Variants in ANKRD30A observed in about 807,000 individuals in gnomAD.
ANKRD30A encodes the protein ankyrin repeat domain 30A, also known as ankyrin repeat domain-containing protein 30A.
Under a neutral mutation model 166.3 loss-of-function variants are expected in ANKRD30A, and 170 were observed. The ratio of observed to expected loss-of-function variants is 1.02; its 90% confidence interval spans 0.90 to 1.16. The LOEUF (loss-of-function observed/expected upper bound fraction) is 1.16. ANKRD30A is among the 50% of genes most tolerant of loss of function. The probability of loss-of-function intolerance (pLI) is 0.00; values close to 1 mark genes in which losing one functional copy is unlikely to be tolerated. For synonymous variants in ANKRD30A, 564 were observed against 508.9 expected, an observed-to-expected ratio of 1.11 and a Z score of -1.46; for missense variants, 1,630 against 1,518.0, an observed-to-expected ratio of 1.07 and a Z score of -1.23.
intron 31 of ANKRD30A, among the ~76,000 whole-genome samples, chr10:37,211,808 T>A (rs1842338575): frequency 6.6e-6 from 1 of 152,122 alleles, no homozygotes; most frequent in South Asian, 2.1e-4. Context: ...GTTTCCTGAC[T>A]TTTTAATGAT....
chr10:37,256,175 A>G, the ANKRD30A span, among the ~76,000 whole-genome samples: 1 of 152,190 alleles, frequency 6.6e-6, no homozygotes, highest in Admixed American at 6.5e-5. Context: ...ACCTCTTCAA[A>G]AAGATTGTTC....
chr10:37,178,893 A>G (rs1371118643), intron 24 of ANKRD30A, among the ~76,000 whole-genome samples: 1 of 150,690 alleles, frequency 6.6e-6, no homozygotes, highest in Non-Finnish European at 1.5e-5. Flanking sequence ...GCATTTAGAA[A>G]AGTTTTACTG....
the ANKRD30A span, chr10:37,264,570 T>A: frequency 2.2e-6 from 1 of 460,820 alleles, no homozygotes; most frequent in Non-Finnish European, 3.6e-6. Flanking sequence ...CTGACCAGTC[T>A]GGTGTTCTTT....
intron 31 of ANKRD30A, among the ~76,000 whole-genome samples, chr10:37,211,290 C>G (rs190455373): frequency 6.6e-6 from 1 of 151,896 alleles, no homozygotes; most frequent in Non-Finnish European, 1.5e-5. Flanking sequence ...ATCCCTCCCC[C>G]ACCCCACAAC....
At chr10:37,156,380 TA>T (rs200451772) in intron 13 of ANKRD30A, among the ~76,000 whole-genome samples, 9 of 151,202 alleles carry the variant, frequency 6.0e-5, no homozygotes, top group South Asian at 2.1e-4. Context: ...ATAAAAGTAA[TA>T]AAAAAAAACT....
At chr10:37,152,664 C>T (rs564861665) in intron 12 of ANKRD30A, among the ~76,000 whole-genome samples, 4 of 152,150 alleles carry the variant, frequency 2.6e-5, no homozygotes, top group Non-Finnish European at 5.9e-5. Context: ...AGTATAATAA[C>T]AAGAGTATTG....
chr10:37,216,515 T>C (rs1842617460), intron 32 of ANKRD30A, 121 bp downstream of exon 32: 3 of 922,100 alleles, frequency 3.3e-6, no homozygotes, highest in Non-Finnish European at 4.7e-6. Context: ...GTCTGTCTTG[T>C]AGAGTGTCAA....
intron 29 of ANKRD30A, among the ~76,000 whole-genome samples, chr10:37,199,416 A>G (rs1841438807): frequency 6.6e-6 from 1 of 152,104 alleles, no homozygotes; most frequent in Non-Finnish European, 1.5e-5. Context: ...TTCTGAATGA[A>G]CAGGAAATAT....
chr10:37,260,868 A>G, the ANKRD30A span, among the ~76,000 whole-genome samples: 1 of 152,154 alleles, frequency 6.6e-6, no homozygotes, highest in Non-Finnish European at 1.5e-5. Flanking sequence ...GTACATATAG[A>G]TGGGAACAAT....
chr10:37,209,415 G>T (rs1842161970), intron 31 of ANKRD30A, among the ~76,000 whole-genome samples: 1 of 152,120 alleles, frequency 6.6e-6, no homozygotes, highest in African/African-American at 2.4e-5. Context: ...CATGGCCAGA[G>T]CAGGAGCAAG....
intron 34 of ANKRD30A, among the ~76,000 whole-genome samples, chr10:37,227,358 A>C (rs1277078582): frequency 1.3e-5 from 2 of 151,868 alleles, no homozygotes; most frequent in Non-Finnish European, 1.5e-5. Flanking sequence ...ATGGATATCC[A>C]TTTGTCCCAG....
intron 8 of ANKRD30A, among the ~76,000 whole-genome samples, chr10:37,145,652 G>T (rs1321715296): frequency 6.6e-6 from 1 of 152,212 alleles, no homozygotes; most frequent in Non-Finnish European, 1.5e-5. Flanking sequence ...GTTCTGAGGT[G>T]AAATTTGATC....
chr10:37,193,222 G>A lies in ANKRD30A; in HGVS notation c.2578G>A (p.Ala860Thr), dbSNP rs771766272. ...AATGAAAGTTTCTATTCCAACTAAA[G>A]CCTTAGAATTGATGGACATGCAAAC... is the stretch of plus-strand genomic sequence containing the variant. ...CRMKVSIPTK[A>T]LELMDMQTFK... Residue 860 changes from alanine to threonine, a missense_variant, in exon 27 of 36, where the codon GCC (alanine) becomes ACC (threonine). By Grantham distance (58) the Ala-to-Thr change is moderately conservative. Around this residue, in one of 4 missense-constraint regions of ANKRD30A, gnomAD observed 712 missense variants for 629.3 expected, o/e 1.13. Coordinates refer to ENST00000361713, the MANE Select transcript of ANKRD30A (RefSeq NM_052997.3). 9.9e-6 allele frequency: 16 copies of A among 1,611,564 alleles called. No homozygotes were observed. Among genetic ancestry groups the A allele is most frequent in the Non-Finnish European group, 1.3e-5 (15 of 1,179,316 alleles).
intron 6 of ANKRD30A, among the ~76,000 whole-genome samples, chr10:37,138,305 C>T (rs1445097830): frequency 6.6e-6 from 1 of 152,136 alleles, no homozygotes; most frequent in Non-Finnish European, 1.5e-5. Flanking sequence ...ACTGGAAACT[C>T]TAAAAATCAG....
the ANKRD30A span, among the ~76,000 whole-genome samples, chr10:37,265,874 A>T: frequency 9.2e-5 from 14 of 152,298 alleles, no homozygotes; most frequent in Non-Finnish European, 1.9e-4. Flanking sequence ...GAAGTAAACA[A>T]ACCCCCCTGG....
At chr10:37,256,837 A>G in the ANKRD30A span, among the ~76,000 whole-genome samples, 1 of 152,012 alleles carries the variant, frequency 6.6e-6, no homozygotes, top group Non-Finnish European at 1.5e-5. Context: ...TTCATAAGGG[A>G]TATTGGCCTG....
chr10:37,199,420 G>A (rs1350251970), intron 29 of ANKRD30A, among the ~76,000 whole-genome samples: 2 of 152,126 alleles, frequency 1.3e-5, no homozygotes, highest in East Asian at 3.9e-4. Context: ...GAATGAACAG[G>A]AAATATAGGA....
intron 6 of ANKRD30A, among the ~76,000 whole-genome samples, chr10:37,137,433 T>A (rs1427181430): frequency 6.6e-6 from 1 of 152,144 alleles, no homozygotes; most frequent in Non-Finnish European, 1.5e-5. Context: ...AGGCATTGCC[T>A]CACCTGGGAA....
chr10:37,142,998 G>A (rs1837258427), intron 7 of ANKRD30A, among the ~76,000 whole-genome samples: 1 of 152,210 alleles, frequency 6.6e-6, no homozygotes, highest in African/African-American at 2.4e-5. Context: ...TAAATAGGGA[G>A]AAAACTTGGA....
Sources: allele counts gnomAD v4.1 joint callset (sites outside exome capture counted in the v4.1 genomes callset), GRCh38; gene constraint gnomAD v4.1.1; regional missense constraint gnomAD v4.1.1; transcripts MANE v1.5; gene names NCBI Gene and HGNC (gene_info 2026-07-23, HGNC 2026-07-21).